Variants in PPP6C observed in about 807,000 individuals in gnomAD.
PPP6C encodes the protein protein phosphatase 6 catalytic subunit, also known as serine/threonine-protein phosphatase 6 catalytic subunit.
Under a neutral mutation model 39.8 loss-of-function variants are expected in PPP6C, and 11 were observed. The ratio of observed to expected loss-of-function variants is 0.28; its 90% CI spans 0.17 to 0.46. The LOEUF is 0.46. PPP6C is among the 20% of genes least tolerant of loss of function. PPP6C has a pLI of 1.00. For synonymous variants in PPP6C, 129 were observed against 130.3 expected (o/e 0.99, Z 0.07); for missense variants, 211 against 373.9 (o/e 0.56, Z 3.59).
intron 1 of PPP6C, among the ~76,000 whole-genome samples, chr9:125,173,929 T>C (rs932579546): frequency 4.6e-5 from 7 of 152,190 alleles, no homozygotes; most frequent in Non-Finnish European, 1.0e-4. Flanking sequence ...CCATTCTTTT[T>C]GTTAAAGGAA....
intron 1 of PPP6C, among the ~76,000 whole-genome samples, chr9:125,171,472 C>CATAT (rs1439769175): frequency 6.2e-5 from 2 of 32,406 alleles, no homozygotes; most frequent in East Asian, 1.4e-3. Context: ...CACACACACA[C>CATAT]ACACACATAT....
chr9:125,165,077 T>C (rs906549688), intron 2 of PPP6C, among the ~76,000 whole-genome samples: 3 of 151,250 alleles, frequency 2.0e-5, no homozygotes, highest in African/African-American at 7.3e-5. Context: ...CAAGGAAACA[T>C]CCAGTCTGCC....
At chr9:125,156,760 T>TCTCC (rs1475211262) in intron 4 of PPP6C, among the ~76,000 whole-genome samples, 5 of 151,976 alleles carry the variant, frequency 3.3e-5, no homozygotes, top group African/African-American at 1.2e-4. Flanking sequence ...TCTCTCTCTC[T>TCTCC]CTCTCTCTCT....
Position 125,147,936 on chromosome 9 carries a change from C to T in PPP6C, c.*1737G>A, listed in dbSNP as rs1372092011. The T allele has an allele frequency of 1.1e-5, 2 of 186,124 alleles. No individual in the cohort carries two copies. The highest frequency in any genetic ancestry group is 2.3e-5 in the Non-Finnish European group (2 of 88,732). The allele number at this position is 186,124 out of a possible 1,614,324, so 11.5% of individuals were successfully genotyped here. On this transcript the variant is annotated 3_prime_UTR_variant, in exon 7 of 7. Coordinates refer to ENST00000373547, the MANE Select transcript of PPP6C (RefSeq NM_002721.5). ...CTGTGAGATAAAAATACCTTTCCAC[C>T]TGAATTACACTGGGATCAGGGCAGT...
At chr9:125,158,033 C>T (rs762724195) in intron 4 of PPP6C, among the ~76,000 whole-genome samples, 118 of 152,082 alleles carry the variant, frequency 7.8e-4, no homozygotes, top group East Asian at 3.9e-4. Flanking sequence ...TCCAGCTACA[C>T]TTTGAGGCAC....
At chr9:125,177,393 A>T (rs965103854) in intron 1 of PPP6C, among the ~76,000 whole-genome samples, 8 of 151,024 alleles carry the variant, frequency 5.3e-5, no homozygotes, top group Non-Finnish European at 1.0e-4. Context: ...AACAAAAAAA[A>T]TCTTAAAGTA....
At position 125,153,576 on chromosome 9, in the gene PPP6C, G is replaced by A; in HGVS notation, c.626C>T (p.Pro209Leu). 2 of 1,613,988 alleles carry A rather than the reference G, an allele frequency of 1.2e-6. No homozygotes were observed. The highest frequency in any genetic ancestry group is 1.7e-6 in the Non-Finnish European group (2 of 1,179,998). Residue 209 changes from proline to leucine, a missense_variant, in exon 6 of 7, where the codon CCC becomes CTC. Pro to Leu is a moderately conservative substitution (Grantham distance 98). Coordinates refer to ENST00000373547, the MANE Select transcript of PPP6C (RefSeq NM_002721.5). ...PEDVDTWAIS[P>L]RGAGWLFGAK... ...TCCAAAAAGCCAACCTGCTCCTCGG[G>A]GACTGATAGCCCAGGTATCCACATC...
intron 5 of PPP6C, 50 bp from the exon 6 acceptor site, chr9:125,153,792 T>C: frequency 6.4e-7 from 1 of 1,565,364 alleles, no homozygotes; most frequent in Non-Finnish European, 8.8e-7. Flanking sequence ...CAGGCATATC[T>C]AAACTCATCA....
At chr9:125,155,066 C>A (rs187639908) in intron 4 of PPP6C, among the ~76,000 whole-genome samples, 1 of 152,156 alleles carries the variant, frequency 6.6e-6, no homozygotes, top group African/African-American at 2.4e-5. Flanking sequence ...TGCCACCACA[C>A]CTGGCTAATT....
intron 3 of PPP6C, among the ~76,000 whole-genome samples, chr9:125,159,811 C>T (rs1828815040): frequency 6.6e-6 from 1 of 152,188 alleles, no homozygotes; most frequent in Non-Finnish European, 1.5e-5. Flanking sequence ...ATCACGAGTT[C>T]AAGAGATCCA....
intron 3 of PPP6C, among the ~76,000 whole-genome samples, chr9:125,158,807 A>T (rs1047914854): frequency 1.3e-5 from 2 of 151,766 alleles, no homozygotes; most frequent in African/African-American, 4.8e-5. Context: ...GATTACAGGT[A>T]CAAGCCGCCA....
rs28837413 is a variant in PPP6C at position 125,166,966 on chromosome 9, A to T, written c.171+4119T>A. On this transcript the variant is annotated intron_variant, in intron 2 of 6. Coordinates refer to ENST00000373547, the MANE Select transcript of PPP6C (RefSeq NM_002721.5). The stretch of plus-strand genomic sequence containing the variant: ...CCAGGCTGGAGTGCAGTGGCACAAT[A>T]ATAGCTGACTATAGCCTCAAACTCC... Among the ~76,000 whole-genome samples the T allele has an allele frequency of 8.8e-3, 1,335 of 152,116 alleles. 19 individuals are homozygous for T. Among genetic ancestry groups the T allele is most frequent in the African/African-American group, 0.031 (1,284 of 41,492 alleles).
At chr9:125,168,749 AC>A (rs2131324022) in intron 2 of PPP6C, among the ~76,000 whole-genome samples, 1 of 143,374 alleles carries the variant, frequency 7.0e-6, no homozygotes, top group African/African-American at 2.5e-5. Context: ...GAGCCACCAC[AC>A]CCGGCTTATT....
chr9:125,184,221 A>G (rs545591961), intron 1 of PPP6C, among the ~76,000 whole-genome samples: 6 of 152,066 alleles, frequency 3.9e-5, no homozygotes, highest in African/African-American at 1.4e-4. Context: ...CCCCATCTTT[A>G]CCAAAAATAC....
chr9:125,171,995 C>A lies in PPP6C; in HGVS notation c.76-815G>T, dbSNP rs1181064168. 8.6e-6 allele frequency: 4 copies of A among 463,974 alleles called. No individual in the cohort carries two copies. The Admixed American group carries it at 9.5e-5, about 11-fold the overall frequency. 28.7% of individuals were successfully genotyped at this position (463,974 alleles called of 1,614,324 possible). A position where few individuals can be genotyped will look rare whatever the true frequency, so the allele number is the denominator to read the frequency against. Reference sequence around the variant, plus strand: ...CTCGCAGAAGCCTAATGCATCATAGCCCAAAACTAAAAACAAATCAGATAT... The same window carrying A: ...CTCGCAGAAGCCTAATGCATCATAGACCAAAACTAAAAACAAATCAGATAT... On this transcript the variant is annotated intron_variant, in intron 1 of 6. Transcript: ENST00000373547.
intron 1 of PPP6C, among the ~76,000 whole-genome samples, chr9:125,187,892 A>G (rs1443426615): frequency 6.6e-6 from 1 of 152,008 alleles, no homozygotes; most frequent in Non-Finnish European, 1.5e-5. Flanking sequence ...AAATTATTCT[A>G]TTAAAAACGG....
At chr9:125,183,973 T>C (rs186729438) in intron 1 of PPP6C, among the ~76,000 whole-genome samples, 2 of 152,316 alleles carry the variant, frequency 1.3e-5, no homozygotes, top group African/African-American at 4.8e-5. Flanking sequence ...AATAAGTGTT[T>C]GTTGGCTGGG....
At chr9:125,171,474 CACACAT>C (rs1368605766) in intron 1 of PPP6C, among the ~76,000 whole-genome samples, 14 of 30,830 alleles carry the variant, frequency 4.5e-4, no homozygotes, top group African/African-American at 1.4e-3. Flanking sequence ...CACACACACA[CACACAT>C]ATATATATAT....
chr9:125,156,462 C>T (rs1346446486), intron 4 of PPP6C, among the ~76,000 whole-genome samples: 3 of 152,098 alleles, frequency 2.0e-5, no homozygotes, highest in Non-Finnish European at 4.4e-5. Context: ...TAAGTAGAGA[C>T]GGGGTTTCAC....
Sources: allele counts gnomAD v4.1 joint callset (sites outside exome capture counted in the v4.1 genomes callset), GRCh38; gene constraint gnomAD v4.1.1; transcripts MANE v1.5; gene names NCBI Gene and HGNC (gene_info 2026-07-23, HGNC 2026-07-21).